Variants in DTNB observed in about 807,000 individuals in gnomAD.
The protein encoded by DTNB is dystrobrevin beta, also known as DTN-B.
A neutral mutation model predicts 90.7 loss-of-function variants in DTNB; 63 were observed. The ratio of observed to expected loss-of-function variants is 0.69; its 90% CI spans 0.57 to 0.86. DTNB has a LOEUF of 0.86. DTNB is among the 40% of genes least tolerant of loss of function. The probability of loss-of-function intolerance (pLI) is 0.00; values close to 1 mark genes in which losing one functional copy is unlikely to be tolerated. For synonymous variants in DTNB, 277 were observed against 286.7 expected (o/e 0.97, Z 0.34); for missense variants, 744 against 807.1 (o/e 0.92, Z 0.95).
At chr2:25,573,524 A>G (rs2060196520) in intron 8 of DTNB, among the ~76,000 whole-genome samples, 1 of 152,076 alleles carries the variant, frequency 6.6e-6, no homozygotes, top group Admixed American at 6.6e-5. Flanking sequence ...CAAGAGTCAG[A>G]GCTTTCTCTG....
intron 9 of DTNB, among the ~76,000 whole-genome samples, chr2:25,501,112 C>T (rs890522855): frequency 2.0e-5 from 3 of 151,998 alleles, no homozygotes; most frequent in Admixed American, 1.3e-4. Flanking sequence ...AAAATGAAAA[C>T]CATAGTTATT....
chr2:25,387,495 G>A lies in DTNB; in HGVS notation c.1736-117C>T. 1.1e-6 allele frequency: 1 copy of A among 910,152 alleles called. No individual in the cohort carries two copies. Among genetic ancestry groups the A allele is most frequent in the South Asian group, 1.7e-5 (1 of 59,038 alleles). 56.4% of individuals were successfully genotyped at this position (910,152 alleles called of 1,614,324 possible). Reference sequence around the variant, plus strand: ...AACACAGGTGTGGAACACCTAAGGGGAGATGGGGCCACAGCAGCTCCACCC... The same window carrying A: ...AACACAGGTGTGGAACACCTAAGGGAAGATGGGGCCACAGCAGCTCCACCC... On this transcript the variant is annotated intron_variant, in intron 17 of 20. Coordinates refer to ENST00000406818, the MANE Select transcript of DTNB (RefSeq NM_021907.5). The surrounding 1 kb of genome is among the most constrained non-coding windows in gnomAD (Gnocchi z 4.5).
At chr2:25,605,096 G>C (rs951236196) in intron 5 of DTNB, among the ~76,000 whole-genome samples, 1 of 152,168 alleles carries the variant, frequency 6.6e-6, no homozygotes, top group Admixed American at 6.5e-5. Flanking sequence ...GTAGAGATAG[G>C]CTTCCCTACC....
chr2:25,644,137 A>G lies in DTNB; in HGVS notation c.68-5043T>C, dbSNP rs148317246. ...TAAGAAATAACCATAAAAATGGGCA[A>G]CCAGCAGCCCTTGTGGCTACTCTGT... is the stretch of plus-strand genomic sequence containing the variant. On this transcript the variant is annotated intron_variant, in intron 2 of 20. Coordinates refer to ENST00000406818, the MANE Select transcript of DTNB (RefSeq NM_021907.5). 2.4e-3 allele frequency among the ~76,000 whole-genome samples: 360 copies of G among 152,322 alleles called. 3 individuals are homozygous for G. Among genetic ancestry groups the G allele is most frequent in the African/African-American group, 8.2e-3 (341 of 41,566 alleles).
intron 3 of DTNB, among the ~76,000 whole-genome samples, chr2:25,630,771 G>A (rs2075495672): frequency 6.7e-6 from 1 of 150,186 alleles, no homozygotes; most frequent in African/African-American, 2.5e-5. Flanking sequence ...TTAAACCTGG[G>A]AGGCGGAGCT....
At chr2:25,650,557 A>G (rs1296604763) in intron 2 of DTNB, among the ~76,000 whole-genome samples, 1 of 152,212 alleles carries the variant, frequency 6.6e-6, no homozygotes, top group East Asian at 1.9e-4. Flanking sequence ...ATTGGGAACT[A>G]GTGGGCAGAG....
rs11375139 is a variant in DTNB, at chr2:25,642,420, A to ATTT, written c.68-3329_68-3327dup. Reference sequence around the variant, plus strand: ...CTCCAGTGAGAAACCCTGGGACACTATTTTTTTTTTTTTAGACAGGGTCTC... The same window carrying ATTT: ...CTCCAGTGAGAAACCCTGGGACACTATTTTTTTTTTTTTTTTAGACAGGGTCTC... On this transcript the variant is annotated intron_variant, in intron 2 of 20. Transcript: ENST00000406818. Among the ~76,000 whole-genome samples the ATTT allele has an allele frequency of 4.5e-4, 66 of 146,706 alleles. No homozygotes were observed. The South Asian group carries it at 6.8e-3, about 15-fold the overall frequency.
intron 14 of DTNB, 146 bp from the exon 15 acceptor site, chr2:25,427,777 G>T: frequency 1.5e-6 from 1 of 679,368 alleles, no homozygotes; most frequent in Non-Finnish European, 2.4e-6. Context: ...TCATAAAATG[G>T]TGATAATGTC....
chr2:25,647,152 A>G (rs2148897007), intron 2 of DTNB, among the ~76,000 whole-genome samples: 1 of 152,332 alleles, frequency 6.6e-6, no homozygotes, highest in East Asian at 1.9e-4. Flanking sequence ...TACAAAATAG[A>G]CTTCAAAGCA....
intron 4 of DTNB, among the ~76,000 whole-genome samples, chr2:25,609,657 TACACACACACACACACACACAC>T (rs4007298): frequency 1.0e-3 from 133 of 127,074 alleles, no homozygotes; most frequent in African/African-American, 2.4e-3. Flanking sequence ...TAATAGAATG[TACACACACACACACACACACAC>T]ACACACACAC....
chr2:25,482,894 C>T (rs775674865), intron 9 of DTNB, 21 bp from the exon 10 acceptor site: 2 of 1,586,590 alleles, frequency 1.3e-6, no homozygotes, highest in Non-Finnish European at 1.7e-6. Context: ...AGACATTTAC[C>T]TTATATTAAT....
intron 12 of DTNB, among the ~76,000 whole-genome samples, chr2:25,441,543 C>T (rs1031089709): frequency 2.6e-5 from 4 of 152,194 alleles, no homozygotes; most frequent in African/African-American, 9.7e-5. Context: ...TCCCCTGGTG[C>T]TGAATGTGGA....
intron 4 of DTNB, among the ~76,000 whole-genome samples, chr2:25,614,787 T>G (rs1048415437): frequency 2.0e-4 from 30 of 152,276 alleles, no homozygotes; most frequent in African/African-American, 7.0e-4. Flanking sequence ...AACAAAACTG[T>G]TTTTCCTACT....
At chr2:25,624,446 T>C (rs999228418) in intron 4 of DTNB, among the ~76,000 whole-genome samples, 5 of 152,152 alleles carry the variant, frequency 3.3e-5, no homozygotes, top group African/African-American at 1.2e-4. Flanking sequence ...CACAGGGATT[T>C]TGTGAAGTCA....
At chr2:25,633,748 T>TAGGAAGTG (rs1438739909) in intron 3 of DTNB, among the ~76,000 whole-genome samples, 3 of 150,112 alleles carry the variant, frequency 2.0e-5, no homozygotes, top group East Asian at 2.0e-4. Flanking sequence ...CCATCCCATC[T>TAGGAAGTG]AGGAAGTGAG....
intron 16 of DTNB, among the ~76,000 whole-genome samples, chr2:25,414,412 G>A (rs1403826504): frequency 6.6e-6 from 1 of 152,058 alleles, no homozygotes; most frequent in Non-Finnish European, 1.5e-5. Context: ...GCACAACCAC[G>A]CCCGGCTAAT....
At chr2:25,431,984 T>C (rs1412226291) in intron 14 of DTNB, among the ~76,000 whole-genome samples, 2 of 152,124 alleles carry the variant, frequency 1.3e-5, no homozygotes, top group South Asian at 2.1e-4. Context: ...GACTCTACTA[T>C]GACAACTTTT....
At chr2:25,563,575 G>C (rs1332238194) in intron 8 of DTNB, among the ~76,000 whole-genome samples, 1 of 152,186 alleles carries the variant, frequency 6.6e-6, no homozygotes, top group East Asian at 1.9e-4. Context: ...GAGTTTTATA[G>C]TTGTAGCTCT....
At chr2:25,446,973 A>G (rs1023227151) in intron 12 of DTNB, among the ~76,000 whole-genome samples, 1 of 152,142 alleles carries the variant, frequency 6.6e-6, no homozygotes, top group Non-Finnish European at 1.5e-5. Context: ...CTAGTTCACT[A>G]ATTCTCTATT....
Sources: gnomAD v4.1 joint callset for allele counts (sites outside exome capture counted in the v4.1 genomes callset) on GRCh38, gnomAD v4.1.1 for gene constraint, Gnocchi (gnomAD v3.1) non-coding constraint, MANE v1.5 for transcripts, NCBI Gene and HGNC (gene_info 2026-07-23, HGNC 2026-07-21) for gene names.